The following CDH4 variants were observed in gnomAD, a reference collection of about 807,000 sequenced individuals.
CDH4 encodes cadherin-4.
In CDH4, 33 loss-of-function variants were observed where a neutral mutation model predicts 86.0. The observed-to-expected ratio is 0.38, with a 90% confidence interval of 0.29 to 0.51. CDH4 has a LOEUF of 0.51. CDH4 is among the 20% of genes least tolerant of loss of function. The probability of loss-of-function intolerance (pLI) is 0.86; values close to 1 mark genes in which losing one functional copy is unlikely to be tolerated. For synonymous variants in CDH4, 555 were observed against 549.4 expected, an observed-to-expected ratio of 1.01 and a Z score of -0.14; for missense variants, 1,114 against 1,307.4, an observed-to-expected ratio of 0.85 and a Z score of 2.28.
intron 2 of CDH4, among the ~76,000 whole-genome samples, chr20:61,661,365 T>C (rs550536197): frequency 1.3e-5 from 2 of 152,156 alleles, no homozygotes; most frequent in Non-Finnish European, 2.9e-5. Flanking sequence ...GAGCACATCA[T>C]TCTGCCTCAA....
intron 2 of CDH4, among the ~76,000 whole-genome samples, chr20:61,726,070 C>G (rs905141797): frequency 1.3e-5 from 2 of 152,156 alleles, no homozygotes; most frequent in Admixed American, 1.3e-4. Flanking sequence ...CAGGAGCCAG[C>G]CCCCAGCCAC....
At chr20:61,565,198 GGTGGTC>G (rs2086265897) in intron 2 of CDH4, among the ~76,000 whole-genome samples, 2 of 63,372 alleles carry the variant, frequency 3.2e-5, no homozygotes, top group Non-Finnish European at 6.5e-5. Flanking sequence ...TCCTCTTGGT[GGTGGTC>G]GCGGTGCTCT....
At chr20:61,404,385 C>T (rs1336469310) in intron 2 of CDH4, among the ~76,000 whole-genome samples, 1 of 152,170 alleles carries the variant, frequency 6.6e-6, no homozygotes, top group African/African-American at 2.4e-5. Flanking sequence ...TCACCCTCCT[C>T]CACAATGGTA....
At chr20:61,736,796 C>T (rs1458910543) in intron 2 of CDH4, among the ~76,000 whole-genome samples, 1 of 152,128 alleles carries the variant, frequency 6.6e-6, no homozygotes, top group East Asian at 1.9e-4. Context: ...ATCATGAGGT[C>T]ACCCGGGGCG....
At chr20:61,524,616 C>T (rs2085897103) in intron 2 of CDH4, among the ~76,000 whole-genome samples, 1 of 152,006 alleles carries the variant, frequency 6.6e-6, no homozygotes. Context: ...CCCTGATTAA[C>T]TGGGACTGCA....
At chr20:61,463,483 G>A (rs536101066) in intron 2 of CDH4, among the ~76,000 whole-genome samples, 27 of 152,346 alleles carry the variant, frequency 1.8e-4, no homozygotes, top group African/African-American at 6.5e-4. Flanking sequence ...CTCAGGAGTG[G>A]ACTCAGAATC....
intron 7 of CDH4, among the ~76,000 whole-genome samples, chr20:61,876,498 G>A (rs1269422337): frequency 1.3e-5 from 2 of 152,224 alleles, no homozygotes; most frequent in Admixed American, 1.3e-4. Flanking sequence ...AGTTTCACGG[G>A]ATTGGGTGCC....
chr20:61,571,890 G>A (rs57676284), intron 2 of CDH4, among the ~76,000 whole-genome samples: 8,874 of 151,684 alleles, frequency 0.059, 530 homozygotes, highest in African/African-American at 0.15. Context: ...TCCCTACCTC[G>A]GCTCTGTGCA....
At chr20:61,744,609 C>T (rs1323494629) in intron 3 of CDH4, among the ~76,000 whole-genome samples, 1 of 147,868 alleles carries the variant, frequency 6.8e-6, no homozygotes, top group Non-Finnish European at 1.5e-5. Context: ...GACAGACAGA[C>T]AGCTTCACAC....
intron 2 of CDH4, among the ~76,000 whole-genome samples, chr20:61,446,133 G>T (rs75631753): frequency 6.6e-6 from 1 of 152,190 alleles, no homozygotes; most frequent in African/African-American, 2.4e-5. Flanking sequence ...TGGGAAGGGT[G>T]TGTTTTACTA....
At chr20:61,658,800 C>CA (rs2087220121) in intron 2 of CDH4, among the ~76,000 whole-genome samples, 1 of 152,164 alleles carries the variant, frequency 6.6e-6, no homozygotes, top group Admixed American at 6.5e-5. Flanking sequence ...CCACAGTGGA[C>CA]ATGGAGGCAG....
rs1980417843 is a variant in CDH4 at position 61,811,221 on chromosome 20, G to A, written c.577-33447G>A. Among the ~76,000 whole-genome samples, 1 of 152,230 alleles carries A rather than the reference G, an allele frequency of 6.6e-6. No individual in the cohort carries two copies. Among genetic ancestry groups the A allele is most frequent in the Non-Finnish European group, 1.5e-5 (1 of 68,040 alleles). On this transcript the variant is annotated intron_variant, in intron 4 of 15. Coordinates refer to ENST00000614565, the MANE Select transcript of CDH4 (RefSeq NM_001794.5). The surrounding 1 kb of genome is among the most constrained non-coding windows in gnomAD (Gnocchi z 4.4). The stretch of plus-strand genomic sequence containing the variant: ...CTGCTGAGGATGTGAACCAGGTGAA[G>A]TGAAGAATTGCTGGAGGAAACATCC...
chr20:61,765,573 AGAGGAGGAG>A (rs149908568), intron 3 of CDH4, among the ~76,000 whole-genome samples: 1 of 152,132 alleles, frequency 6.6e-6, no homozygotes, highest in Admixed American at 6.5e-5. Context: ...AGAGCAGGGA[AGAGGAGGAG>A]GAGGAGGAGG....
intron 2 of CDH4, among the ~76,000 whole-genome samples, chr20:61,702,969 G>A (rs532112545): frequency 7.2e-5 from 11 of 152,292 alleles, no homozygotes; most frequent in African/African-American, 2.6e-4. Flanking sequence ...GGCTGTGTGC[G>A]TGCGGCCCTG....
At chr20:61,443,647 T>C (rs2085325442) in intron 2 of CDH4, among the ~76,000 whole-genome samples, 2 of 152,204 alleles carry the variant, frequency 1.3e-5, no homozygotes, top group Non-Finnish European at 2.9e-5. Context: ...CTGGAGCAGA[T>C]GTTAATTTTG....
chr20:61,598,435 C>T (rs1332552233), intron 2 of CDH4, among the ~76,000 whole-genome samples: 1 of 151,968 alleles, frequency 6.6e-6, no homozygotes, highest in East Asian at 1.9e-4. Flanking sequence ...ATGCTCCTCC[C>T]TCCTTCCGTA....
At position 61,752,069 on chromosome 20, in the gene CDH4, C is replaced by T. The variant is rs896621128; in HGVS notation, c.396+8280C>T. Among the ~76,000 whole-genome samples the T allele has an allele frequency of 6.6e-5, 10 of 152,324 alleles. 2 individuals are homozygous for T. Among genetic ancestry groups the T allele is most frequent in the South Asian group, 2.1e-4 (1 of 4,826 alleles). ...AACTTCTGCCAGGTGCGGTGGCTCA[C>T]GCCTGTAATCCCAGCACTTTGGGAG... On this transcript the variant is annotated intron_variant, in intron 3 of 15. Coordinates refer to ENST00000614565, the MANE Select transcript of CDH4 (RefSeq NM_001794.5).
chr20:61,590,885 G>GGGGC (rs748153347), intron 2 of CDH4, among the ~76,000 whole-genome samples: 1 of 151,524 alleles, frequency 6.6e-6, no homozygotes, highest in Admixed American at 6.6e-5. Flanking sequence ...ATGGGGGGGG[G>GGGGC]GGTCCCCGGG....
intron 2 of CDH4, among the ~76,000 whole-genome samples, chr20:61,299,830 T>C (rs540509494): frequency 2.0e-5 from 3 of 152,182 alleles, no homozygotes; most frequent in Non-Finnish European, 4.4e-5. Flanking sequence ...GCTATAAAAG[T>C]GTTAGGGCCC....
Sources: gnomAD v4.1 joint callset for allele counts (sites outside exome capture counted in the v4.1 genomes callset) on GRCh38, gnomAD v4.1.1 for gene constraint, Gnocchi (gnomAD v3.1) non-coding constraint, MANE v1.5 for transcripts, NCBI Gene and HGNC (gene_info 2026-07-23, HGNC 2026-07-21) for gene names.